Variants in MAGI3 observed in about 807,000 individuals in gnomAD.
MAGI3 encodes membrane associated guanylate kinase, WW and PDZ domain containing 3.
A neutral mutation model predicts 121.8 loss-of-function variants in MAGI3; 43 were observed. The ratio of observed to expected loss-of-function variants is 0.35; its 90% confidence interval spans 0.28 to 0.46. MAGI3 has a LOEUF of 0.46. Ranked by LOEUF, MAGI3 falls within the 20% of genes least tolerant of loss-of-function variation. The pLI, the probability that MAGI3 is intolerant of heterozygous loss-of-function variation, is 1.00. For synonymous variants in MAGI3, 553 were observed against 639.3 expected, an observed-to-expected ratio of 0.86 and a Z score of 2.04; for missense variants, 1,547 against 1,797.3, an observed-to-expected ratio of 0.86 and a Z score of 2.52.
intron 13 of MAGI3, among the ~76,000 whole-genome samples, chr1:113,649,565 C>A (rs1449401011): frequency 1.3e-5 from 2 of 152,176 alleles, no homozygotes; most frequent in Non-Finnish European, 2.9e-5. Context: ...AATTTATTTA[C>A]TTCTCTGTGT....
At chr1:113,614,025 A>C (rs1425829914) in intron 6 of MAGI3, among the ~76,000 whole-genome samples, 1 of 152,216 alleles carries the variant, frequency 6.6e-6, no homozygotes, top group Admixed American at 6.5e-5. Context: ...TATCATTCAC[A>C]AATACAGATT....
Position 113,646,607 on chromosome 1 carries a change from T to A in MAGI3, c.2120T>A (p.Val707Asp). 1 of 1,607,430 alleles carries A rather than the reference T, an allele frequency of 6.2e-7. No homozygotes were observed. The highest frequency in any genetic ancestry group is 1.1e-5 in the South Asian group (1 of 89,906). ...TCCCCAAAATTGGATCCTTCTGAGG[T>A]CTACCTGAAATCTAAGACTTTATAT... The part of the protein sequence containing the change: ...SGSPKLDPSE[V>D]YLKSKTLYED... Residue 707 changes from valine to aspartate, a missense_variant, in exon 12 of 21, where the codon GTC becomes GAC. Coordinates refer to ENST00000307546, the MANE Select transcript of MAGI3 (RefSeq NM_001142782.2).
At chr1:113,496,239 A>T (rs1025407201) in intron 1 of MAGI3, among the ~76,000 whole-genome samples, 11 of 152,324 alleles carry the variant, frequency 7.2e-5, no homozygotes, top group African/African-American at 2.2e-4. Context: ...TACAACTTAG[A>T]TTTTAAATTT....
intron 1 of MAGI3, among the ~76,000 whole-genome samples, chr1:113,460,901 A>G (rs1420975291): frequency 1.3e-5 from 2 of 152,156 alleles, no homozygotes; most frequent in Non-Finnish European, 2.9e-5. Context: ...TACAAAATCA[A>G]TGTACAAAAA....
chr1:113,623,784 C>T (rs767382724), intron 9 of MAGI3, among the ~76,000 whole-genome samples: 44 of 152,020 alleles, frequency 2.9e-4, no homozygotes, highest in Non-Finnish European at 4.4e-4. Context: ...ACACCGCACC[C>T]GGCCTTTCTA....
intron 1 of MAGI3, among the ~76,000 whole-genome samples, chr1:113,505,041 G>A (rs990617689): frequency 9.2e-5 from 14 of 151,980 alleles, no homozygotes; most frequent in African/African-American, 3.1e-4. Flanking sequence ...TGTTCATATG[G>A]CAGGGCAGTA....
At chr1:113,419,759 T>C (rs1652639514) in intron 1 of MAGI3, among the ~76,000 whole-genome samples, 3 of 152,256 alleles carry the variant, frequency 2.0e-5, no homozygotes, top group South Asian at 4.1e-4. Context: ...ACAACATAGA[T>C]TTATTATCTT....
chr1:113,617,965 A>G (rs1223210184), intron 7 of MAGI3, among the ~76,000 whole-genome samples: 1 of 152,216 alleles, frequency 6.6e-6, no homozygotes, highest in Non-Finnish European at 1.5e-5. Flanking sequence ...CTATTTAATA[A>G]GTAACTACGT....
At chr1:113,557,295 C>T (rs1660035733) in intron 2 of MAGI3, among the ~76,000 whole-genome samples, 1 of 152,178 alleles carries the variant, frequency 6.6e-6, no homozygotes, top group South Asian at 2.1e-4. Context: ...GAGCTCTGAT[C>T]TCTCCCTGGG....
At position 113,425,273 on chromosome 1, in the gene MAGI3, ATTTTTT is replaced by A. The variant is rs949045641; in HGVS notation, c.316+33946_316+33951del. 8.9e-3 allele frequency among the ~76,000 whole-genome samples: 772 copies of A among 86,814 alleles called. 1 individual carries two copies. Among genetic ancestry groups the A allele is most frequent in the Non-Finnish European group, 0.014 (618 of 44,562 alleles). 57.0% of individuals were successfully genotyped at this position (86,814 alleles called of 152,430 possible). A position where few individuals can be genotyped will look rare whatever the true frequency, so the allele number is the denominator to read the frequency against. ...TCAAAGCCTTTAAATTACAAATTCA[ATTTTTT>A]TTTTTTTTTTTTTTTTTTTTTGAGA... On this transcript the variant is annotated intron_variant, in intron 1 of 20. Coordinates refer to ENST00000307546, the MANE Select transcript of MAGI3 (RefSeq NM_001142782.2).
chr1:113,414,654 T>C (rs907762436), intron 1 of MAGI3, among the ~76,000 whole-genome samples: 2 of 152,178 alleles, frequency 1.3e-5, no homozygotes, highest in Non-Finnish European at 2.9e-5. Context: ...TTCTAGTTTA[T>C]TTGCGTACAG....
chr1:113,493,221 C>A (rs1036500170), intron 1 of MAGI3, among the ~76,000 whole-genome samples: 2 of 152,120 alleles, frequency 1.3e-5, no homozygotes, highest in Non-Finnish European at 2.9e-5. Context: ...GATTAGAGAA[C>A]CCAGAAATAA....
chr1:113,633,380 G>A (rs1269890884), intron 9 of MAGI3, among the ~76,000 whole-genome samples: 54 of 145,216 alleles, frequency 3.7e-4, no homozygotes, highest in Non-Finnish European at 1.5e-5. Flanking sequence ...TCCTGCCTCA[G>A]CCTCCCAAGT....
rs1653651524 is a variant in MAGI3, at chr1:113,437,798, T to TTC, written c.316+46450_316+46451insCT. On this transcript the variant is annotated intron_variant, in intron 1 of 20. Coordinates refer to ENST00000307546, the MANE Select transcript of MAGI3 (RefSeq NM_001142782.2). The stretch of plus-strand genomic sequence containing the variant: ...CCTTCTTTCTTCTTCTTCCTTCTTC[T>TTC]TTCTTCTTTTCTTCTTCTTCTTCTT... Among the ~76,000 whole-genome samples, 8 of 147,660 alleles carry TTC rather than the reference T, an allele frequency of 5.4e-5. No homozygotes were observed. The South Asian group carries it at 1.1e-3, about 20-fold the overall frequency.
At chr1:113,559,622 C>T (rs1269482941) in intron 2 of MAGI3, among the ~76,000 whole-genome samples, 2 of 151,164 alleles carry the variant, frequency 1.3e-5, no homozygotes, top group Non-Finnish European at 2.9e-5. Context: ...GGCTGAAGTG[C>T]AGTGGTGCGA....
intron 1 of MAGI3, among the ~76,000 whole-genome samples, chr1:113,406,406 C>G (rs1367178677): frequency 3.4e-5 from 5 of 147,458 alleles, no homozygotes; most frequent in Admixed American, 6.8e-5. Flanking sequence ...TATGATCGTG[C>G]TACTGTACTC....
chr1:113,658,168 T>C lies in MAGI3; in HGVS notation c.2630-912T>C, dbSNP rs1653581345. 6.6e-6 allele frequency among the ~76,000 whole-genome samples: 1 copy of C among 152,154 alleles called. No individual in the cohort carries two copies. The highest frequency in any genetic ancestry group is 1.5e-5 in the Non-Finnish European group (1 of 68,022). ...TAGGCTAGGAAATTCTCAGAGAACA[T>C]AGAAGGAACATTTGTTTCCTAATAC... On this transcript the variant is annotated intron_variant, in intron 15 of 20. Coordinates refer to ENST00000307546, the MANE Select transcript of MAGI3 (RefSeq NM_001142782.2). The surrounding 1 kb of genome is among the most constrained non-coding windows in gnomAD (Gnocchi z 4.0).
chr1:113,582,471 C>G (rs72628771), intron 3 of MAGI3, among the ~76,000 whole-genome samples: 1 of 11,550 alleles, frequency 8.7e-5, no homozygotes, highest in East Asian at 4.7e-4. Context: ...TAGGTATCAA[C>G]ATTAATAGGT....
intron 1 of MAGI3, among the ~76,000 whole-genome samples, chr1:113,508,515 T>C (rs1657454671): frequency 6.6e-6 from 1 of 152,188 alleles, no homozygotes; most frequent in Admixed American, 6.5e-5. Context: ...TGAACTTGCT[T>C]AGGGGCAGTT....
Sources: gnomAD v4.1 joint callset for allele counts (sites outside exome capture counted in the v4.1 genomes callset) on GRCh38, gnomAD v4.1.1 for gene constraint, Gnocchi (gnomAD v3.1) non-coding constraint, MANE v1.5 for transcripts, NCBI Gene and HGNC (gene_info 2026-07-23, HGNC 2026-07-21) for gene names.